The following TRPM3 variants were observed in gnomAD, a reference collection of about 807,000 sequenced individuals.
The protein encoded by TRPM3 is transient receptor potential cation channel subfamily M member 3, also known as long transient receptor potential channel 3.
Under a neutral mutation model 181.2 loss-of-function variants are expected in TRPM3, and 77 were observed. That is an observed-to-expected ratio of 0.42 (90% CI 0.35 to 0.51). The LOEUF (loss-of-function observed/expected upper bound fraction) is 0.51. Among genes scored for constraint, TRPM3 ranks in the 20% least tolerant of loss-of-function variants. The pLI is 0.01. For missense variants in TRPM3, 1,759 were observed against 2,196.7 expected (o/e 0.80, Z 3.98); for synonymous variants, 745 against 796.4 (o/e 0.94, Z 1.09).
intron 1 of TRPM3, among the ~76,000 whole-genome samples, chr9:71,154,104 G>T (rs2075868244): frequency 6.6e-6 from 1 of 152,002 alleles, no homozygotes; most frequent in Admixed American, 6.6e-5. Context: ...TTATGATTTT[G>T]GAGTTCTTGA....
At chr9:71,095,496 C>T (rs1242549711) in intron 1 of TRPM3, among the ~76,000 whole-genome samples, 3 of 152,014 alleles carry the variant, frequency 2.0e-5, no homozygotes, top group South Asian at 4.1e-4. Flanking sequence ...CGGTGGCTTA[C>T]GCCTGTAATC....
chr9:70,804,438 G>A lies in TRPM3; in HGVS notation c.974-20159C>T, dbSNP rs139563642. Among the ~76,000 whole-genome samples the A allele has an allele frequency of 2.7e-4, 41 of 152,296 alleles. 1 individual carries two copies. The East Asian group carries it at 7.1e-3, about 26-fold the overall frequency. ...CTTTTGAACACATCCCTTGTGTGGT[G>A]TGCACTGCATGTGTTAATAAAGTTG... On this transcript the variant is annotated intron_variant, in intron 6 of 25. Coordinates refer to ENST00000677713, the MANE Select transcript of TRPM3 (RefSeq NM_001366145.2).
rs147464712 is a variant in TRPM3 at position 70,991,399 on chromosome 9, T to C, written c.178-126888A>G. ...AAATATTCCCACATATCATTTATAG[T>C]CACCACCATTCAAAATTACGATAGT... On this transcript the variant is annotated intron_variant, in intron 1 of 25. Coordinates refer to ENST00000677713, the MANE Select transcript of TRPM3 (RefSeq NM_001366145.2). 6.6e-5 allele frequency among the ~76,000 whole-genome samples: 10 copies of C among 152,300 alleles called. No individual in the cohort carries two copies. The East Asian group carries it at 1.7e-3, about 26-fold the overall frequency.
At chr9:71,134,018 C>CGT (rs1491373415) in intron 1 of TRPM3, among the ~76,000 whole-genome samples, 2 of 131,166 alleles carry the variant, frequency 1.5e-5, no homozygotes, top group Non-Finnish European at 3.3e-5. Context: ...TGTGTGTGCG[C>CGT]GTGCGCGCGC....
intron 1 of TRPM3, among the ~76,000 whole-genome samples, chr9:71,051,708 C>T (rs375923646): frequency 2.0e-5 from 3 of 152,022 alleles, no homozygotes; most frequent in African/African-American, 4.8e-5. Context: ...TACTGCAGAA[C>T]GTAGTTTTGG....
chr9:71,254,491 C>T (rs2082552583), intron 1 of TRPM3, among the ~76,000 whole-genome samples: 1 of 152,148 alleles, frequency 6.6e-6, no homozygotes, highest in Non-Finnish European at 1.5e-5. Flanking sequence ...TAAGTGCTTT[C>T]ACCATGGAAA....
At chr9:70,939,844 G>T (rs2096868356) in intron 1 of TRPM3, among the ~76,000 whole-genome samples, 1 of 152,142 alleles carries the variant, frequency 6.6e-6, no homozygotes, top group Non-Finnish European at 1.5e-5. Context: ...AACATAAGAT[G>T]TTGCTCCTTG....
chr9:70,777,261 T>C (rs2081538657), intron 7 of TRPM3, among the ~76,000 whole-genome samples: 1 of 152,168 alleles, frequency 6.6e-6, no homozygotes, highest in African/African-American at 2.4e-5. Flanking sequence ...CTAAAGAGTT[T>C]TGCTCAACTC....
Position 71,409,235 on chromosome 9 carries a change from C to T in TRPM3, c.183+37418G>A, listed in dbSNP as rs547781126. Among the ~76,000 whole-genome samples, 3 of 152,262 alleles carry T rather than the reference C, an allele frequency of 2.0e-5. No homozygotes were observed. In the East Asian group the frequency reaches 5.8e-4, roughly 29 times the overall value. ...AAATAACCAGCTTACATCATCATGA[C>T]AGAATCAAATTCACATATAACAATA... On this transcript the variant is annotated intron_variant, in intron 1 of 24. Coordinates refer to the TRPM3 transcript ENST00000357533.
At chr9:70,967,525 A>G (rs1490874845) in intron 1 of TRPM3, among the ~76,000 whole-genome samples, 1 of 152,130 alleles carries the variant, frequency 6.6e-6, no homozygotes, top group Admixed American at 6.6e-5. Context: ...ATAGTTGCAT[A>G]AAATAATATG....
intron 25 of TRPM3, among the ~76,000 whole-genome samples, chr9:70,546,674 C>CG (rs1353158975): frequency 8.2e-6 from 1 of 122,390 alleles, no homozygotes; most frequent in African/African-American, 3.4e-5. Context: ...AACTCCTCAT[C>CG]GGAAAAAAAA....
At chr9:71,181,666 A>C (rs1206792291) in intron 1 of TRPM3, among the ~76,000 whole-genome samples, 2 of 152,116 alleles carry the variant, frequency 1.3e-5, no homozygotes, top group African/African-American at 4.8e-5. Context: ...TTCTCTTTGA[A>C]ACAAAAAAGT....
In TRPM3 at chr9:70,883,994, C is replaced by T. The variant is rs542033174; in HGVS notation, c.178-19483G>A. ...CTAGGAGTTATTTTGCATTTGGAAA[C>T]GATTGCAGTTTTAGCTCCGACATGT... On this transcript the variant is annotated intron_variant, in intron 1 of 25. Coordinates refer to ENST00000677713, the MANE Select transcript of TRPM3 (RefSeq NM_001366145.2). Among the ~76,000 whole-genome samples, 19 of 152,006 alleles carry T rather than the reference C, an allele frequency of 1.2e-4. No individual in the cohort carries two copies. In the South Asian group the frequency reaches 1.5e-3, roughly 12 times the overall value.
chr9:71,424,470 GAAAC>G (rs2093828840), intron 1 of TRPM3, among the ~76,000 whole-genome samples: 1 of 152,074 alleles, frequency 6.6e-6, no homozygotes, highest in African/African-American at 2.4e-5. Context: ...GTCAAGGAGA[GAAAC>G]AAATATACAA....
intron 7 of TRPM3, among the ~76,000 whole-genome samples, chr9:70,762,388 G>A (rs577590910): frequency 4.1e-4 from 62 of 152,296 alleles, no homozygotes; most frequent in African/African-American, 1.5e-3. Flanking sequence ...AAACAGGAAA[G>A]AGGCATCATA....
At chr9:70,543,458 T>A (rs1000886391) in intron 25 of TRPM3, among the ~76,000 whole-genome samples, 1 of 152,180 alleles carries the variant, frequency 6.6e-6, no homozygotes, top group Non-Finnish European at 1.5e-5. Context: ...TTTTTTTTTG[T>A]ACCCATTAAC....
intron 1 of TRPM3, among the ~76,000 whole-genome samples, chr9:71,321,115 T>C (rs1719032304): frequency 6.6e-6 from 1 of 152,164 alleles, no homozygotes; most frequent in South Asian, 2.1e-4. Context: ...CCCATATGTC[T>C]TCTAGTTTTT....
chr9:70,690,218 ATC>A (rs1329333244), intron 8 of TRPM3, among the ~76,000 whole-genome samples: 1 of 152,216 alleles, frequency 6.6e-6, no homozygotes, highest in Non-Finnish European at 1.5e-5. Context: ...AAGAAATGAT[ATC>A]TGAGTTTGAC....
intron 22 of TRPM3, among the ~76,000 whole-genome samples, chr9:70,571,524 C>T (rs2052366827): frequency 6.6e-6 from 1 of 152,018 alleles, no homozygotes; most frequent in Non-Finnish European, 1.5e-5. Flanking sequence ...AGGCAACTTA[C>T]CAATTAAGTT....
Sources: gnomAD v4.1 joint callset for allele counts (sites outside exome capture counted in the v4.1 genomes callset) on GRCh38, gnomAD v4.1.1 for gene constraint, MANE v1.5 for transcripts, NCBI Gene and HGNC (gene_info 2026-07-23, HGNC 2026-07-21) for gene names.